PDE4D: variants seen among roughly 807,000 people sequenced by gnomAD.
PDE4D encodes the protein 3',5'-cyclic-AMP phosphodiesterase 4D.
In PDE4D, 24 loss-of-function variants were observed where a neutral mutation model predicts 87.4. The observed-to-expected ratio is 0.27, with a 90% CI of 0.20 to 0.39. PDE4D has a LOEUF of 0.39. PDE4D is among the 10% of genes least tolerant of loss of function. The pLI, the probability that PDE4D is intolerant of heterozygous loss-of-function variation, is 1.00. For synonymous variants in PDE4D, 384 were observed against 383.2 expected (o/e 1.00, Z -0.02); for missense variants, 714 against 1,041.0 (o/e 0.69, Z 4.32).
chr5:60,098,634 G>T (rs1775933643), intron 2 of PDE4D, among the ~76,000 whole-genome samples: 1 of 151,948 alleles, frequency 6.6e-6, no homozygotes, highest in South Asian at 2.1e-4. Flanking sequence ...TTTGTATCCT[G>T]CAACGTTGCT....
Position 59,205,653 on chromosome 5 carries a change from AACACACACACACACAC to A in PDE4D, c.647+10108_647+10123del, listed in dbSNP as rs35509503. ...TGTCTAATATGCTATCCACTAGCTA[AACACACACACACACAC>A]ACACACACACACACACACACACACA... On this transcript the variant is annotated intron_variant, in intron 2 of 14. Transcript: ENST00000340635. Among the ~76,000 whole-genome samples the A allele has an allele frequency of 3.1e-4, 42 of 136,406 alleles. No individual in the cohort carries two copies. In the East Asian group the frequency reaches 6.5e-3, roughly 21 times the overall value. The allele number at this position is 136,406 out of a possible 152,430, so 89.5% of individuals were successfully genotyped here. A position where few individuals can be genotyped will look rare whatever the true frequency, so the allele number is the denominator to read the frequency against.
At chr5:59,150,946 A>G (rs1206326389) in intron 5 of PDE4D, among the ~76,000 whole-genome samples, 1 of 152,198 alleles carries the variant, frequency 6.6e-6, no homozygotes, top group Non-Finnish European at 1.5e-5. Flanking sequence ...ATCTCTAGAA[A>G]ACAAAAACCA....
At chr5:60,439,917 A>T (rs1433725661) in intron 1 of PDE4D, among the ~76,000 whole-genome samples, 1 of 71,106 alleles carries the variant, frequency 1.4e-5, no homozygotes, top group African/African-American at 8.8e-5. Context: ...TCCATTGTTT[A>T]AAAAAAAAAA....
chr5:59,450,751 C>G (rs966536689), intron 1 of PDE4D, among the ~76,000 whole-genome samples: 4 of 152,162 alleles, frequency 2.6e-5, no homozygotes, highest in African/African-American at 9.7e-5. Context: ...ACAAACACAT[C>G]TACTCCCACA....
chr5:59,504,902 A>ATGTGTGTGTGTGTGTG (rs61507201), intron 1 of PDE4D, among the ~76,000 whole-genome samples: 1 of 145,710 alleles, frequency 6.9e-6, no homozygotes, highest in African/African-American at 2.5e-5. Context: ...GTAGGGGTAT[A>ATGTGTGTGTGTGTGTG]TGTGTGTGTG....
At chr5:59,628,948 C>T (rs1831231625) in intron 1 of PDE4D, among the ~76,000 whole-genome samples, 2 of 152,224 alleles carry the variant, frequency 1.3e-5, no homozygotes, top group South Asian at 4.1e-4. Flanking sequence ...GCTAACATGT[C>T]CTTCTTCACA....
At chr5:59,767,985 A>G (rs1763010728) in intron 1 of PDE4D, among the ~76,000 whole-genome samples, 1 of 152,196 alleles carries the variant, frequency 6.6e-6, no homozygotes, top group Non-Finnish European at 1.5e-5. Flanking sequence ...GACATCTGGC[A>G]TCCAATTTTC....
chr5:59,628,009 G>A (rs184598173), intron 1 of PDE4D, among the ~76,000 whole-genome samples: 15 of 152,250 alleles, frequency 9.9e-5, no homozygotes, highest in Non-Finnish European at 8.8e-5. Flanking sequence ...AACAGAATCT[G>A]TACATTAATT....
chr5:59,074,187 A>G (rs1436345920), intron 5 of PDE4D, among the ~76,000 whole-genome samples: 1 of 152,226 alleles, frequency 6.6e-6, no homozygotes. Flanking sequence ...TGGGGAATAA[A>G]TGATTAGTCA....
intron 1 of PDE4D, among the ~76,000 whole-genome samples, chr5:59,856,323 A>G (rs1489392371): frequency 6.6e-6 from 1 of 152,178 alleles, no homozygotes; most frequent in East Asian, 1.9e-4. Flanking sequence ...CGAAGAGAAG[A>G]CTATTACAAA....
intron 1 of PDE4D, among the ~76,000 whole-genome samples, chr5:59,847,200 C>A (rs1481029385): frequency 6.6e-6 from 1 of 151,970 alleles, no homozygotes; most frequent in Non-Finnish European, 1.5e-5. Context: ...AATATGAAAC[C>A]TGTAAAAATT....
At chr5:59,199,979 TATATACACATGC>T (rs1253444471) in intron 2 of PDE4D, among the ~76,000 whole-genome samples, 1 of 143,814 alleles carries the variant, frequency 7.0e-6, no homozygotes, top group Admixed American at 6.7e-5. Context: ...CATACATACA[TATATACACATGC>T]ATACATGCAT....
intron 1 of PDE4D, among the ~76,000 whole-genome samples, chr5:59,216,275 C>A (rs767280466): frequency 6.6e-6 from 1 of 152,120 alleles, no homozygotes; most frequent in African/African-American, 2.4e-5. Flanking sequence ...AAATTCCTTT[C>A]GGAAAATAAC....
intron 1 of PDE4D, among the ~76,000 whole-genome samples, chr5:60,367,427 GACA>G (rs58129275): frequency 0.043 from 6,243 of 146,302 alleles, 425 homozygotes; most frequent in African/African-American, 0.15. Flanking sequence ...CTCCAGCGTG[GACA>G]ACAAGAGCGA....
rs16877719 is a variant in PDE4D, at chr5:60,179,592, C to A, written c.42+5965G>T. Among the ~76,000 whole-genome samples, 1,051 of 152,046 alleles carry A rather than the reference C, an allele frequency of 6.9e-3. 6 individuals carry two copies. Among genetic ancestry groups the A allele is most frequent in the African/African-American group, 0.024 (1,003 of 41,474 alleles). ...AAGCATTTGATAATAAAACTAATTA[C>A]TTATGGTTCTCTTACTCCCACTTCT... is the stretch of plus-strand genomic sequence containing the variant. On this transcript the variant is annotated intron_variant, in intron 2 of 16. Transcript: ENST00000502484.
chr5:59,931,903 G>T (rs770244328), intron 3 of PDE4D, among the ~76,000 whole-genome samples: 5 of 151,964 alleles, frequency 3.3e-5, no homozygotes, highest in Middle Eastern at 3.2e-3. Context: ...GGGTTTCACC[G>T]TGTTAGCCAG....
In PDE4D at chr5:60,072,290, T is replaced by A. The variant is rs369604945; in HGVS notation, c.43-83573A>T. ...TCAGTGATACTGAGTTTTTTTCATA[T>A]GCTTGTTAGCTGCACGTACTTTTTT... On this transcript the variant is annotated intron_variant, in intron 2 of 16. Transcript: ENST00000502484. Among the ~76,000 whole-genome samples the A allele has an allele frequency of 1.8e-4, 28 of 152,310 alleles. No homozygotes were observed. The South Asian group carries it at 5.4e-3, about 29-fold the overall frequency.
intron 1 of PDE4D, among the ~76,000 whole-genome samples, chr5:60,379,837 G>C (rs1251991545): frequency 6.6e-6 from 1 of 152,068 alleles, no homozygotes; most frequent in African/African-American, 2.4e-5. Context: ...TTGGCCTGAC[G>C]TCTCACTGTC....
chr5:60,055,333 A>G (rs1383674977), intron 2 of PDE4D, among the ~76,000 whole-genome samples: 1 of 152,118 alleles, frequency 6.6e-6, no homozygotes, highest in Non-Finnish European at 1.5e-5. Context: ...AGGAGCAAGG[A>G]AAGAAAGTAA....
Sources: allele counts gnomAD v4.1 joint callset (sites outside exome capture counted in the v4.1 genomes callset), GRCh38; gene constraint gnomAD v4.1.1; transcripts MANE v1.5; gene names NCBI Gene and HGNC (gene_info 2026-07-23, HGNC 2026-07-21).